The following MMP26 variants were observed in gnomAD, a reference collection of about 807,000 sequenced individuals.
MMP26 encodes the protein matrix metallopeptidase 26.
MMP26 carries 33 observed loss-of-function variants against 31.0 expected under a neutral mutation model. That is an observed-to-expected ratio of 1.06 (90% CI 0.81 to 1.42). MMP26 has a LOEUF of 1.42. Among genes scored for constraint, MMP26 ranks in the 40% most tolerant of loss-of-function variants. MMP26 has a pLI of 0.00. For synonymous variants in MMP26, 122 were observed against 114.9 expected, an observed-to-expected ratio of 1.06 and a Z score of -0.40; for missense variants, 347 against 316.1, an observed-to-expected ratio of 1.10 and a Z score of -0.74.
intron 2 of MMP26, among the ~76,000 whole-genome samples, chr11:4,817,712 T>G (rs1849440502): frequency 6.6e-6 from 1 of 152,242 alleles, no homozygotes; most frequent in Non-Finnish European, 1.5e-5. Flanking sequence ...AAGGAAGCTG[T>G]AAACATATTT....
intron 2 of MMP26, among the ~76,000 whole-genome samples, chr11:4,842,374 A>G (rs1041093553): frequency 6.6e-6 from 1 of 152,192 alleles, no homozygotes; most frequent in Non-Finnish European, 1.5e-5. Context: ...TTTATAAATT[A>G]AAGAGGTTTC....
chr11:4,750,404 G>A (rs1339346616), intron 1 of MMP26, among the ~76,000 whole-genome samples: 1 of 152,016 alleles, frequency 6.6e-6, no homozygotes, highest in East Asian at 1.9e-4. Flanking sequence ...ATTTGAGCTG[G>A]CAATTCCACT....
intron 2 of MMP26, chr11:4,881,928 C>T (rs1850470336): frequency 6.2e-7 from 1 of 1,613,452 alleles, no homozygotes; most frequent in East Asian, 2.2e-5. Context: ...ACCACTTCGT[C>T]TTCCTCAAAC....
intron 1 of MMP26, chr11:4,722,915 C>T: frequency 1.3e-6 from 1 of 784,934 alleles, no homozygotes; most frequent in Non-Finnish European, 2.3e-6. Flanking sequence ...ATAGGCCGAG[C>T]TTAGACCACC....
intron 2 of MMP26, chr11:4,804,177 C>T (rs1301527610): frequency 2.5e-6 from 4 of 1,614,104 alleles, no homozygotes; most frequent in African/African-American, 1.3e-5. Flanking sequence ...TGATGGCCAG[C>T]ATGGCCAGAA....
At chr11:4,815,906 T>G (rs934788674) in intron 2 of MMP26, among the ~76,000 whole-genome samples, 2 of 152,198 alleles carry the variant, frequency 1.3e-5, no homozygotes, top group Non-Finnish European at 2.9e-5. Context: ...AACAAGATCT[T>G]GAGGATATTT....
chr11:4,744,711 A>G (rs1165501008), intron 1 of MMP26, among the ~76,000 whole-genome samples: 2 of 152,112 alleles, frequency 1.3e-5, no homozygotes, highest in East Asian at 1.9e-4. Flanking sequence ...GCCCAAATCT[A>G]CTTATTCTCC....
intron 2 of MMP26, chr11:4,907,820 A>G (rs1228033147): frequency 1.2e-6 from 2 of 1,613,856 alleles, no homozygotes; most frequent in Admixed American, 3.3e-5. Context: ...TTTAGCCATT[A>G]GGAGCATTCT....
intron 2 of MMP26, chr11:4,924,269 C>T (rs1198629138): frequency 1.2e-6 from 2 of 1,613,830 alleles, no homozygotes; most frequent in Admixed American, 1.7e-5. Context: ...GCCATGGAGA[C>T]CTTCTAGACC....
chr11:4,967,957 T>A (rs1230176786), intron 2 of MMP26, among the ~76,000 whole-genome samples: 1 of 152,128 alleles, frequency 6.6e-6, no homozygotes, highest in African/African-American at 2.4e-5. Context: ...AATAGGACAT[T>A]GAAAGAATCA....
At chr11:4,814,096 A>G (rs1849388509) in intron 2 of MMP26, among the ~76,000 whole-genome samples, 1 of 152,230 alleles carries the variant, frequency 6.6e-6, no homozygotes, top group Non-Finnish European at 1.5e-5. Context: ...CAATTTAACA[A>G]TATAAACTAA....
chr11:4,918,786 A>G (rs949837965), intron 2 of MMP26, among the ~76,000 whole-genome samples: 2 of 152,188 alleles, frequency 1.3e-5, no homozygotes, highest in African/African-American at 4.8e-5. Flanking sequence ...TTCTGATTCT[A>G]TTATAATAGA....
At chr11:4,745,146 C>T (rs901000841) in intron 1 of MMP26, among the ~76,000 whole-genome samples, 2 of 152,160 alleles carry the variant, frequency 1.3e-5, no homozygotes, top group African/African-American at 4.8e-5. Flanking sequence ...TTCTTACCTC[C>T]TTTGGGAAGG....
chr11:4,924,229 G>A lies in MMP26; in HGVS notation c.-144-63839G>A, dbSNP rs370035214. On this transcript the variant is annotated intron_variant, in intron 2 of 7. Coordinates refer to ENST00000380390, the MANE Select transcript of MMP26 (RefSeq NM_021801.5). ...TGAGGTTCCCCAAGATAACTGTCAGGTAGATGAAGCAGAAGGGAATAGAGA... is the reference window on the plus strand; with the variant it reads ...TGAGGTTCCCCAAGATAACTGTCAGATAGATGAAGCAGAAGGGAATAGAGA... The A allele has an allele frequency of 8.1e-6, 13 of 1,614,068 alleles. No individual in the cohort carries two copies. In the Admixed American group the frequency reaches 8.3e-5, roughly 10 times the overall value.
rs1564819686 is a variant in MMP26 at position 4,986,912 on chromosome 11, T to TCTCTCTCTCTCTCTCTCC, written c.-144-1139_-144-1138insCCTCTCTCTCTCTCTCTC. Among the ~76,000 whole-genome samples the TCTCTCTCTCTCTCTCTCC allele has an allele frequency of 1.6e-4, 16 of 100,430 alleles. 3 individuals carry two copies. Among genetic ancestry groups the TCTCTCTCTCTCTCTCTCC allele is most frequent in the African/African-American group, 6.2e-4 (16 of 25,636 alleles). 65.9% of individuals were successfully genotyped at this position (100,430 alleles called of 152,430 possible). On this transcript the variant is annotated intron_variant, in intron 2 of 7. Transcript: ENST00000380390. ...CTTCCTTCCTTCCTTCCTTTCTCTCTCTCTCTCTCTCTCTCTCTCCCTCTC... is the reference window on the plus strand; with the variant it reads ...CTTCCTTCCTTCCTTCCTTTCTCTCTCTCTCTCTCTCTCTCTCCCTCTCTCTCTCTCTCTCTCCCTCTC...
chr11:4,750,767 G>A (rs1380990658), intron 1 of MMP26, among the ~76,000 whole-genome samples: 7 of 151,982 alleles, frequency 4.6e-5, no homozygotes, highest in Non-Finnish European at 8.8e-5. Context: ...TGGTAACTGG[G>A]AAGGGTAGGA....
At chr11:4,908,458 T>A in intron 2 of MMP26, 2 of 719,390 alleles carry the variant, frequency 2.8e-6, no homozygotes, top group Non-Finnish European at 4.8e-6. Flanking sequence ...GTTGAGAATA[T>A]AACTGAACAG....
chr11:4,778,065 C>T (rs774857246), intron 2 of MMP26, among the ~76,000 whole-genome samples: 1 of 152,072 alleles, frequency 6.6e-6, no homozygotes, highest in Non-Finnish European at 1.5e-5. Flanking sequence ...GCCATATATA[C>T]TCCCACAGTG....
At chr11:4,746,300 G>A (rs144924239) in intron 1 of MMP26, among the ~76,000 whole-genome samples, 1 of 152,204 alleles carries the variant, frequency 6.6e-6, no homozygotes, top group East Asian at 1.9e-4. Context: ...TAGAATTACT[G>A]GTTAAAGTTC....
Sources: gnomAD v4.1 joint callset for allele counts (sites outside exome capture counted in the v4.1 genomes callset) on GRCh38, gnomAD v4.1.1 for gene constraint, MANE v1.5 for transcripts, NCBI Gene and HGNC (gene_info 2026-07-23, HGNC 2026-07-21) for gene names.